CARS2: variants seen among roughly 807,000 people sequenced by gnomAD.
CARS2 encodes the protein probable cysteine--tRNA ligase, mitochondrial.
A neutral mutation model predicts 68.8 loss-of-function variants in CARS2; 52 were observed. That is an observed-to-expected ratio of 0.76 (90% confidence interval 0.61 to 0.95). The LOEUF is 0.95. Ranked by LOEUF, CARS2 falls within the 40% of genes least tolerant of loss-of-function variation. The pLI is 0.00. For synonymous variants in CARS2, 314 were observed against 303.6 expected, an observed-to-expected ratio of 1.03 and a Z score of -0.36; for missense variants, 780 against 754.2, an observed-to-expected ratio of 1.03 and a Z score of -0.40.
At chr13:110,711,504 G>A (rs1163014269) in intron 1 of CARS2, among the ~76,000 whole-genome samples, 1 of 152,224 alleles carries the variant, frequency 6.6e-6, no homozygotes, top group East Asian at 1.9e-4. Context: ...GTGAGCCACC[G>A]CGTCCGGCCA....
chr13:110,644,304 A>G lies in CARS2; in HGVS notation c.1416+81T>C, dbSNP rs1594209853. 2.8e-6 allele frequency: 4 copies of G among 1,428,104 alleles called. No individual in the cohort carries two copies. In the East Asian group the frequency reaches 6.9e-5, roughly 25 times the overall value. The allele number at this position is 1,428,104 out of a possible 1,614,324, so 88.5% of individuals were successfully genotyped here. ...CATTAGTGTGGCATCATAATGCTCT[A>G]TTCCAAGTTAAAAGGGTAAAGGTTA... On this transcript the variant is annotated intron_variant, in intron 13 of 14. Coordinates refer to ENST00000257347, the MANE Select transcript of CARS2 (RefSeq NM_024537.4).
chr13:110,681,224 G>T (rs934582255), intron 6 of CARS2, among the ~76,000 whole-genome samples: 2 of 152,026 alleles, frequency 1.3e-5, no homozygotes, highest in African/African-American at 2.4e-5. Flanking sequence ...ATTTTTTAAT[G>T]GTGTTTTCTA....
chr13:110,642,560 G>A (rs1324127006), intron 13 of CARS2, 39 bp from the exon 14 acceptor site: 5 of 1,518,462 alleles, frequency 3.3e-6, no homozygotes, highest in East Asian at 4.8e-5. Flanking sequence ...CCCGGAGACT[G>A]TGGATTGTGG....
chr13:110,644,044 C>T, intron 13 of CARS2: 1 of 1,229,966 alleles, frequency 8.1e-7, no homozygotes. Flanking sequence ...TCAAATGGGT[C>T]AGGAAAAAAT....
chr13:110,673,221 C>T (rs1401185573), intron 7 of CARS2, among the ~76,000 whole-genome samples: 1 of 152,190 alleles, frequency 6.6e-6, no homozygotes, highest in Non-Finnish European at 1.5e-5. Flanking sequence ...AAGAGGCCAG[C>T]ATCATCCTGA....
At position 110,700,926 on chromosome 13, in the gene CARS2, T is replaced by C. The variant is rs116281075; in HGVS notation, c.393+512A>G. 3.2e-3 allele frequency among the ~76,000 whole-genome samples: 483 copies of C among 152,282 alleles called. 5 individuals are homozygous for C. The highest frequency in any genetic ancestry group is 0.011 in the African/African-American group (463 of 41,558). ...AAAGCCTTCAGCGATCACAATACGA[T>C]AGATGTTAACTTCCTTTACTAGGGC... On this transcript the variant is annotated intron_variant, in intron 3 of 14. Transcript: ENST00000257347.
chr13:110,689,484 A>G (rs1312080395), intron 3 of CARS2, among the ~76,000 whole-genome samples: 2 of 152,190 alleles, frequency 1.3e-5, no homozygotes, highest in Non-Finnish European at 2.9e-5. Context: ...CCCACCAAAG[A>G]ATACCCACTG....
chr13:110,647,282 T>C (rs1299107049), intron 10 of CARS2, 43 bp from the exon 11 acceptor site: 1 of 1,595,324 alleles, frequency 6.3e-7, no homozygotes, highest in Non-Finnish European at 8.6e-7. Flanking sequence ...CCCACCATGC[T>C]GTGCCCCTGC....
chr13:110,682,254 A>C (rs1004611765), intron 6 of CARS2, among the ~76,000 whole-genome samples: 1 of 152,250 alleles, frequency 6.6e-6, no homozygotes, highest in South Asian at 2.1e-4. Context: ...CAGAATGTAC[A>C]ACTCTCAGAA....
intron 2 of CARS2, among the ~76,000 whole-genome samples, chr13:110,703,674 C>A (rs964854510): frequency 6.6e-6 from 1 of 152,226 alleles, no homozygotes; most frequent in Non-Finnish European, 1.5e-5. Flanking sequence ...GCTAAATAAA[C>A]CTCTTGGCAG....
intron 8 of CARS2, chr13:110,664,119 C>T (rs1203231707): frequency 2.0e-6 from 2 of 985,138 alleles, no homozygotes; most frequent in Admixed American, 6.1e-5. Flanking sequence ...GAAATTCTCC[C>T]TGGCCTGTAG....
rs772740990 is a variant in CARS2, at chr13:110,705,867, C to T, written c.224+3G>A. 5.8e-6 allele frequency: 9 copies of T among 1,554,650 alleles called. No individual in the cohort carries two copies. Among genetic ancestry groups the T allele is most frequent in the Non-Finnish European group, 6.9e-6 (8 of 1,152,336 alleles). On this transcript the variant is annotated splice_donor_region_variant and intron_variant, in intron 1 of 14. Transcript: ENST00000257347. The surrounding 1 kb of genome is among the most constrained non-coding windows in gnomAD (Gnocchi z 4.0). The stretch of plus-strand genomic sequence containing the variant: ...GCCCGTGCCCCAGTCCCGCGCGGCC[C>T]ACCAGGAGGCGGCTTCGGCGTGCGC...
At chr13:110,691,470 T>C (rs1039486006) in intron 3 of CARS2, among the ~76,000 whole-genome samples, 8 of 152,254 alleles carry the variant, frequency 5.3e-5, no homozygotes, top group Non-Finnish European at 1.0e-4. Context: ...TTCTCATAAA[T>C]GGCTTCTGGA....
At chr13:110,706,194 C>T, upstream of CARS2, 1 of 876,128 alleles carries the variant, frequency 1.1e-6, no homozygotes, top group East Asian at 4.1e-5. Context: ...CCGCCCACGC[C>T]CTTGGGGCCA....
At chr13:110,709,692 G>A (rs182435045), upstream of CARS2, among the ~76,000 whole-genome samples, 805 of 152,040 alleles carry the variant, frequency 5.3e-3, 6 homozygotes, top group African/African-American at 0.018. Flanking sequence ...GGGACCTTGT[G>A]ATTATGTAAG....
At chr13:110,666,336 A>T (rs1185328094) in intron 8 of CARS2, 2 of 985,200 alleles carry the variant, frequency 2.0e-6, no homozygotes, top group Non-Finnish European at 2.4e-6. Flanking sequence ...CTCCCCAGGG[A>T]AATGGTATGG....
exon 1 of CARS2, chr13:110,713,510 C>G: frequency 1.6e-5 from 16 of 986,736 alleles, no homozygotes; most frequent in Non-Finnish European, 1.9e-5. Flanking sequence ...CGACCCTCGC[C>G]TCTGGAAAAA....
At chr13:110,713,097 T>A in intron 1 of CARS2, 1 of 1,439,378 alleles carries the variant, frequency 6.9e-7, no homozygotes, top group Non-Finnish European at 9.1e-7. Flanking sequence ...CCCGGAGGAC[T>A]TGGGTTTCTA....
intron 8 of CARS2, chr13:110,664,849 A>T: frequency 5.1e-6 from 2 of 391,760 alleles, no homozygotes; most frequent in Non-Finnish European, 7.0e-6. Flanking sequence ...GGCCGTCTAC[A>T]AATGGGAAGC....
Sources: allele counts gnomAD v4.1 joint callset (sites outside exome capture counted in the v4.1 genomes callset), GRCh38; gene constraint gnomAD v4.1.1; non-coding constraint Gnocchi (gnomAD v3.1); transcripts MANE v1.5; gene names NCBI Gene and HGNC (gene_info 2026-07-23, HGNC 2026-07-21).